NCAM1: variants seen among roughly 807,000 people sequenced by gnomAD.
NCAM1 encodes antigen recognized by monoclonal antibody 5.1H11.
In NCAM1, 14 loss-of-function variants were observed where a neutral mutation model predicts 109.8. The ratio of observed to expected loss-of-function variants is 0.13; its 90% CI spans 0.08 to 0.20. The LOEUF (loss-of-function observed/expected upper bound fraction) is 0.20. Ranked by LOEUF, NCAM1 falls within the 10% of genes least tolerant of loss-of-function variation. The pLI, the probability that NCAM1 is intolerant of heterozygous loss-of-function variation, is 1.00. For missense variants in NCAM1, 774 were observed against 1,109.9 expected (o/e 0.70, Z 4.30); for synonymous variants, 418 against 442.9 (o/e 0.94, Z 0.70).
At chr11:113,043,511 A>G (rs782155027) in intron 1 of NCAM1, among the ~76,000 whole-genome samples, 2 of 151,818 alleles carry the variant, frequency 1.3e-5, no homozygotes, top group Non-Finnish European at 2.9e-5. Context: ...TAATTTTTGT[A>G]TTTTTAGTAG....
At position 113,235,130 on chromosome 11, in the gene NCAM1, C is replaced by T. The variant is rs1945126474; in HGVS notation, c.1791C>T (p.Ile597=). 9 of 1,612,962 alleles carry T rather than the reference C, an allele frequency of 5.6e-6. No homozygotes were observed. Among genetic ancestry groups the T allele is most frequent in the African/African-American group, 1.3e-5 (1 of 74,934 alleles). Residue 597 remains isoleucine, a synonymous_variant, in exon 14 of 20, where the codon ATC becomes ATT. Coordinates refer to ENST00000316851, the MANE Select transcript of NCAM1 (RefSeq NM_181351.5). ...AALNGKGLGE[I]SAASEFKTQP... is the part of the protein sequence containing the mutation. Reference sequence around the variant, plus strand: ...TCAATGGCAAAGGGCTGGGTGAGATCAGCGCGGCCTCCGAGTTCAAGACGC... The same window carrying T: ...TCAATGGCAAAGGGCTGGGTGAGATTAGCGCGGCCTCCGAGTTCAAGACGC...
At chr11:113,066,347 A>T (rs183415602) in intron 1 of NCAM1, among the ~76,000 whole-genome samples, 292 of 152,328 alleles carry the variant, frequency 1.9e-3, no homozygotes, top group South Asian at 9.3e-3. Context: ...ATAGATTTTA[A>T]ATTAGCATTT....
intron 1 of NCAM1, among the ~76,000 whole-genome samples, chr11:113,073,278 G>A (rs1216782905): frequency 6.6e-6 from 1 of 151,484 alleles, no homozygotes; most frequent in Non-Finnish European, 1.5e-5. Context: ...GAATATAACT[G>A]CATCTCTATG....
intron 1 of NCAM1, among the ~76,000 whole-genome samples, chr11:113,185,969 C>T (rs1243054972): frequency 6.6e-6 from 1 of 152,226 alleles, no homozygotes; most frequent in African/African-American, 2.4e-5. Context: ...GGTCCAGAGC[C>T]TGCCCCCGCT....
chr11:113,068,814 A>T (rs1394006813), intron 1 of NCAM1, among the ~76,000 whole-genome samples: 2 of 152,044 alleles, frequency 1.3e-5, no homozygotes, highest in Non-Finnish European at 2.9e-5. Context: ...ATTCAGTTGT[A>T]TTGTTATGGC....
chr11:113,188,964 C>T (rs977262725), intron 1 of NCAM1, among the ~76,000 whole-genome samples: 15 of 152,112 alleles, frequency 9.9e-5, no homozygotes, highest in African/African-American at 3.6e-4. Context: ...CTTCCACCTC[C>T]AGAAAAGGCA....
chr11:113,043,254 T>A (rs551993867), intron 1 of NCAM1, among the ~76,000 whole-genome samples: 37 of 152,270 alleles, frequency 2.4e-4, no homozygotes, highest in Middle Eastern at 6.8e-3. Flanking sequence ...GCCTGTGTGG[T>A]CATCAATACA....
chr11:113,246,837 G>A (rs1945514323), intron 15 of NCAM1, among the ~76,000 whole-genome samples: 2 of 152,216 alleles, frequency 1.3e-5, no homozygotes, highest in South Asian at 4.1e-4. Context: ...AATTGCAAAG[G>A]TTGTATTTGT....
At chr11:113,037,970 T>C (rs1311487673) in intron 1 of NCAM1, among the ~76,000 whole-genome samples, 1 of 152,140 alleles carries the variant, frequency 6.6e-6, no homozygotes, top group Non-Finnish European at 1.5e-5. Flanking sequence ...AAGAAAAATG[T>C]CAAAACACAG....
rs576707820 is a variant in NCAM1 at position 113,124,375 on chromosome 11, C to T, written c.53-78004C>T. Reference sequence around the variant, plus strand: ...ACCTTAGCTTTGCTTCCTTGGTCACCAACATAGGGCAACAGAACAAGTCCT... The same window carrying T: ...ACCTTAGCTTTGCTTCCTTGGTCACTAACATAGGGCAACAGAACAAGTCCT... On this transcript the variant is annotated intron_variant, in intron 1 of 19. Coordinates refer to ENST00000316851, the MANE Select transcript of NCAM1 (RefSeq NM_181351.5). Among the ~76,000 whole-genome samples, 15 of 152,190 alleles carry T rather than the reference C, an allele frequency of 9.9e-5. No individual in the cohort carries two copies. In the East Asian group the frequency reaches 2.7e-3, roughly 28 times the overall value.
chr11:113,077,933 C>G (rs1555086441), intron 1 of NCAM1, among the ~76,000 whole-genome samples: 1 of 152,038 alleles, frequency 6.6e-6, no homozygotes, highest in Admixed American at 6.6e-5. Context: ...GTGATTCACC[C>G]ACCTCAGCCT....
At chr11:113,275,203 G>A in intron 19 of NCAM1, 64 bp from the exon 20 acceptor site, 1 of 1,598,218 alleles carries the variant, frequency 6.3e-7, no homozygotes, top group South Asian at 1.1e-5. Context: ...CCAAGGCCTG[G>A]ATGCAGGGGC....
At chr11:113,133,703 T>G (rs1555098819) in intron 1 of NCAM1, 1 of 152,236 alleles carries the variant, frequency 6.6e-6, no homozygotes, top group African/African-American at 2.4e-5. Context: ...TATGAGTTTT[T>G]GTCAGCAGCT....
intron 9 of NCAM1, among the ~76,000 whole-genome samples, chr11:113,228,468 G>A (rs1369311247): frequency 6.6e-6 from 1 of 152,154 alleles, no homozygotes; most frequent in Non-Finnish European, 1.5e-5. Context: ...CATGCTCATG[G>A]GTAGGAAGAA....
intron 1 of NCAM1, among the ~76,000 whole-genome samples, chr11:113,083,978 G>T (rs957913043): frequency 4.6e-5 from 7 of 152,196 alleles, no homozygotes; most frequent in African/African-American, 7.2e-5. Context: ...AGAAGCTGGG[G>T]AGGGAATAGA....
intron 1 of NCAM1, among the ~76,000 whole-genome samples, chr11:113,183,818 T>C (rs1555108396): frequency 6.6e-6 from 1 of 152,208 alleles, no homozygotes; most frequent in African/African-American, 2.4e-5. Context: ...GTCAGTGTCC[T>C]CAGGAGAGTG....
At chr11:113,205,076 A>T (rs546718605) in intron 3 of NCAM1, among the ~76,000 whole-genome samples, 1 of 152,172 alleles carries the variant, frequency 6.6e-6, no homozygotes, top group African/African-American at 2.4e-5. Context: ...TGTTCTTTTC[A>T]TCAGCATTCT....
At position 113,057,570 on chromosome 11, in the gene NCAM1, A is replaced by T. The variant is rs556141795; in HGVS notation, c.52+95906A>T. Among the ~76,000 whole-genome samples, 6 of 152,282 alleles carry T rather than the reference A, an allele frequency of 3.9e-5. No individual in the cohort carries two copies. The South Asian group carries it at 1.2e-3, about 32-fold the overall frequency. On this transcript the variant is annotated intron_variant, in intron 1 of 19. Coordinates refer to ENST00000316851, the MANE Select transcript of NCAM1 (RefSeq NM_181351.5). The stretch of plus-strand genomic sequence containing the variant: ...CCATAGCCCACTAATGAGCTAACAG[A>T]TGTCTAAATTAGGACTACACTAGAA...
intron 1 of NCAM1, among the ~76,000 whole-genome samples, chr11:112,985,941 T>C (rs577747272): frequency 5.5e-4 from 83 of 152,126 alleles, no homozygotes; most frequent in African/African-American, 1.9e-3. Context: ...GGACTTTCAG[T>C]ACTATTTTAA....
Sources: allele counts gnomAD v4.1 joint callset (sites outside exome capture counted in the v4.1 genomes callset), GRCh38; gene constraint gnomAD v4.1.1; transcripts MANE v1.5; gene names NCBI Gene and HGNC (gene_info 2026-07-23, HGNC 2026-07-21).